The following CUX1 variants were observed in gnomAD, a reference collection of about 807,000 sequenced individuals.
The protein encoded by CUX1 is protein CASP.
CUX1 carries 31 observed loss-of-function variants against 158.8 expected under a neutral mutation model. That is an observed-to-expected ratio of 0.20 (90% CI 0.15 to 0.26). CUX1 has a LOEUF of 0.26. CUX1 is among the 10% of genes least tolerant of loss of function. CUX1 has a pLI of 1.00. For missense variants in CUX1, 1,589 were observed against 2,014.6 expected (o/e 0.79, Z 4.04); for synonymous variants, 879 against 862.1 (o/e 1.02, Z -0.34).
intron 1 of CUX1, among the ~76,000 whole-genome samples, chr7:101,852,667 A>AT (rs71106571): frequency 0.011 from 803 of 76,018 alleles, 45 homozygotes; most frequent in South Asian, 0.018. Context: ...CTGCGTTGGA[A>AT]TTTTTTTTTT....
At chr7:102,098,153 C>T (rs1451633104) in intron 5 of CUX1, among the ~76,000 whole-genome samples, 1 of 152,222 alleles carries the variant, frequency 6.6e-6, no homozygotes, top group African/African-American at 2.4e-5. Flanking sequence ...GAAGGAAAAT[C>T]ACAGCTCCCG....
chr7:102,113,146 G>GA (rs1554490773), intron 7 of CUX1, among the ~76,000 whole-genome samples: 2 of 152,134 alleles, frequency 1.3e-5, no homozygotes. Flanking sequence ...CTACACATAT[G>GA]AAAAAATGCA....
At chr7:101,945,220 G>A (rs189282739) in intron 2 of CUX1, among the ~76,000 whole-genome samples, 105 of 152,100 alleles carry the variant, frequency 6.9e-4, no homozygotes, top group South Asian at 2.3e-3. Flanking sequence ...TGTGTGCAGC[G>A]GCTTCCACCC....
Position 101,852,583 on chromosome 7 carries a change from A to G in CUX1, c.30+34914A>G, listed in dbSNP as rs188756351. On this transcript the variant is annotated intron_variant, in intron 1 of 23. Transcript: ENST00000292535. The stretch of plus-strand genomic sequence containing the variant: ...CAGTGAGCCGAGATCACACCACTGT[A>G]CTCCAGCCTGGGCGACAGAGCAAGA... Among the ~76,000 whole-genome samples, 1,305 of 151,564 alleles carry G rather than the reference A, an allele frequency of 8.6e-3. 8 individuals are homozygous for G. The highest frequency in any genetic ancestry group is 0.015 in the Non-Finnish European group (1,004 of 67,956).
chr7:102,049,593 T>A (rs556692898), intron 3 of CUX1, among the ~76,000 whole-genome samples: 33 of 151,936 alleles, frequency 2.2e-4, no homozygotes, highest in Non-Finnish European at 2.4e-4. Flanking sequence ...ATCCCAGGTG[T>A]GATGGAGAGG....
intron 6 of CUX1, among the ~76,000 whole-genome samples, chr7:102,107,245 G>GAA (rs782402729): frequency 8.9e-5 from 13 of 145,576 alleles, no homozygotes; most frequent in Non-Finnish European, 1.5e-4. Flanking sequence ...AAAAAGAAAA[G>GAA]AAAAGAAAAG....
chr7:102,243,160 G>T (rs1175481873), intron 23 of CUX1, among the ~76,000 whole-genome samples: 4 of 152,102 alleles, frequency 2.6e-5, no homozygotes, highest in Non-Finnish European at 5.9e-5. Flanking sequence ...TGTAATCCCA[G>T]CTGCTCAGGA....
At chr7:101,832,346 C>CA (rs1794128335) in intron 1 of CUX1, among the ~76,000 whole-genome samples, 1 of 152,126 alleles carries the variant, frequency 6.6e-6, no homozygotes, top group Admixed American at 6.5e-5. Flanking sequence ...TGGGGAACAG[C>CA]AGGGGCAGGG....
At chr7:101,927,663 A>C (rs185144145) in intron 2 of CUX1, among the ~76,000 whole-genome samples, 34 of 152,188 alleles carry the variant, frequency 2.2e-4, no homozygotes, top group African/African-American at 7.7e-4. Context: ...AAAAAACAAA[A>C]ACACACACAC....
chr7:101,887,842 C>CCTTTTTTTTTTTTTTTTT (rs1562966470), intron 1 of CUX1, among the ~76,000 whole-genome samples: 2 of 135,040 alleles, frequency 1.5e-5, no homozygotes, highest in Non-Finnish European at 1.6e-5. Flanking sequence ...ATGACGGTGA[C>CCTTTTTTTTTTTTTTTTT]ATTTTTTTTT....
intron 2 of CUX1, among the ~76,000 whole-genome samples, chr7:101,940,430 G>A (rs1269085119): frequency 2.0e-5 from 3 of 151,862 alleles, no homozygotes; most frequent in Non-Finnish European, 4.4e-5. Flanking sequence ...CTGCGGGCGC[G>A]CACAGGTGAG....
At chr7:101,949,260 T>G (rs1210170025) in intron 2 of CUX1, among the ~76,000 whole-genome samples, 2 of 151,644 alleles carry the variant, frequency 1.3e-5, no homozygotes, top group Non-Finnish European at 2.9e-5. Flanking sequence ...GCCTCCCGAG[T>G]AGCTGGGACT....
intron 1 of CUX1, among the ~76,000 whole-genome samples, chr7:101,875,173 C>A (rs1025023441): frequency 6.6e-6 from 1 of 152,142 alleles, no homozygotes; most frequent in Non-Finnish European, 1.5e-5. Flanking sequence ...TTACCTTTGT[C>A]CTGGGTCATT....
chr7:102,125,316 A>G (rs536068057), intron 8 of CUX1, among the ~76,000 whole-genome samples: 1 of 152,286 alleles, frequency 6.6e-6, no homozygotes, highest in East Asian at 1.9e-4. Flanking sequence ...GTTGGCTCCT[A>G]AGCAGAAAGC....
intron 14 of CUX1, chr7:102,273,269 C>T (rs1244272487): frequency 1.3e-6 from 2 of 1,503,432 alleles, no homozygotes; most frequent in Non-Finnish European, 1.8e-6. Context: ...CCAGGCAGCC[C>T]TGCTTCCAGA....
At chr7:102,170,585 G>A (rs146723129) in intron 10 of CUX1, 35 bp downstream of exon 10, 31 of 1,459,200 alleles carry the variant, frequency 2.1e-5, no homozygotes, top group East Asian at 1.2e-4. Flanking sequence ...GACTGTCCCC[G>A]CCTGGCCTCC....
chr7:102,116,898 T>A lies in CUX1; in HGVS notation c.674+1625T>A, dbSNP rs953341428. 3.9e-5 allele frequency among the ~76,000 whole-genome samples: 6 copies of A among 152,032 alleles called. No individual in the cohort carries two copies. The East Asian group carries it at 1.2e-3, about 29-fold the overall frequency. ...TAGGCATGGCTCAGAGATAATAGATTCATTCATTGATTCAACAGACATTCA... is the reference window on the plus strand; with the variant it reads ...TAGGCATGGCTCAGAGATAATAGATACATTCATTGATTCAACAGACATTCA... On this transcript the variant is annotated intron_variant, in intron 8 of 23. Transcript: ENST00000292535.
At chr7:101,881,985 C>T (rs1320715375) in intron 1 of CUX1, among the ~76,000 whole-genome samples, 1 of 150,004 alleles carries the variant, frequency 6.7e-6, no homozygotes, top group Non-Finnish European at 1.5e-5. Flanking sequence ...TGAGACCAAC[C>T]TTGGCAACAT....
exon 17 of CUX1, chr7:102,275,299 G>A: frequency 6.2e-7 from 1 of 1,612,750 alleles, no homozygotes; most frequent in Middle Eastern, 1.7e-4. Context: ...TGGATTCACT[G>A]CTTTCCATCA....
Sources: allele counts gnomAD v4.1 joint callset (sites outside exome capture counted in the v4.1 genomes callset), GRCh38; gene constraint gnomAD v4.1.1; transcripts MANE v1.5; gene names NCBI Gene and HGNC (gene_info 2026-07-23, HGNC 2026-07-21).